The following ITPRID2 variants were observed in gnomAD, a reference collection of about 807,000 sequenced individuals.
ITPRID2 encodes protein ITPRID2.
ITPRID2 carries 60 observed loss-of-function variants against 124.3 expected under a neutral mutation model. The observed-to-expected ratio is 0.48, with a 90% CI of 0.39 to 0.60. ITPRID2 has a LOEUF of 0.60. Among genes scored for constraint, ITPRID2 ranks in the 20% least tolerant of loss-of-function variants. The pLI is 0.00. For synonymous variants in ITPRID2, 521 were observed against 542.9 expected, an observed-to-expected ratio of 0.96 and a Z score of 0.56; for missense variants, 1,553 against 1,512.2, an observed-to-expected ratio of 1.03 and a Z score of -0.45.
Position 181,892,237 on chromosome 2 carries a change from G to C in ITPRID2, c.171G>C (p.Glu57Asp). 6.5e-7 allele frequency: 1 copy of C among 1,550,166 alleles called. No homozygotes were observed. The highest frequency in any genetic ancestry group is 2.4e-5 in the East Asian group (1 of 40,924). Reference protein sequence around the residue: ...TTQDEEEDEEEDLPGAQLPAA... With the variant: ...TTQDEEEDEEDDLPGAQLPAA... ...AGGACGAGGAGGAGGACGAGGAGGA[G>C]GACCTCCCCGGCGCGCAGCTGCCGG... Residue 57 changes from glutamate to aspartate, a missense_variant, in exon 1 of 18, where the codon GAG becomes GAC. Physicochemically the swap from Glu to Asp is conservative, Grantham distance 45. Transcript: ENST00000431877. The surrounding 1 kb of genome is among the most constrained non-coding windows in gnomAD (Gnocchi z 5.2).
chr2:181,927,359 TTAAAAG>T (rs1450882052), intron 16 of ITPRID2, among the ~76,000 whole-genome samples: 1 of 152,208 alleles, frequency 6.6e-6, no homozygotes, highest in African/African-American at 2.4e-5. Flanking sequence ...AAAGGGCTAT[TTAAAAG>T]TGATGCTGTA....
At chr2:181,898,582 T>C (rs1012089366) in intron 4 of ITPRID2, among the ~76,000 whole-genome samples, 8 of 152,124 alleles carry the variant, frequency 5.3e-5, no homozygotes, top group African/African-American at 1.9e-4. Flanking sequence ...TACTTATTTC[T>C]AACCTGTTAA....
Position 181,902,529 on chromosome 2 carries a change from G to C in ITPRID2, c.1413+63G>C. On this transcript the variant is annotated intron_variant, in intron 8 of 17. Transcript: ENST00000431877. The surrounding 1 kb of genome is among the most constrained non-coding windows in gnomAD (Gnocchi z 4.4). ...GACTAGGAAAAAAAGTACCAAAAATGCTTATAAAATGAGAGGTAGCTAATA... is the reference window on the plus strand; with the variant it reads ...GACTAGGAAAAAAAGTACCAAAAATCCTTATAAAATGAGAGGTAGCTAATA... 1.6e-6 allele frequency: 2 copies of C among 1,245,558 alleles called. No individual in the cohort carries two copies. Among genetic ancestry groups the C allele is most frequent in the Non-Finnish European group, 2.2e-6 (2 of 904,770 alleles). 77.2% of individuals were successfully genotyped at this position (1,245,558 alleles called of 1,614,324 possible). A position where few individuals can be genotyped will look rare whatever the true frequency, so the allele number is the denominator to read the frequency against.
chr2:181,911,820 G>A (rs542205505), intron 9 of ITPRID2, among the ~76,000 whole-genome samples: 5 of 152,252 alleles, frequency 3.3e-5, no homozygotes, highest in Admixed American at 2.0e-4. Context: ...TTATTATCTC[G>A]TTTTGCAGAG....
rs1187653584 is a variant in ITPRID2, at chr2:181,918,848, A to G, written c.2959A>G (p.Thr987Ala). The change falls in exon 13 of 18, where the codon ACC (threonine) becomes GCC (alanine). Residue 987 changes from threonine to alanine, a missense_variant. Transcript: ENST00000431877. ...DLELAMLRQQ[T>A]MVYHHMTEEE... ...AGAATTGGCAATGCTGCGTCAGCAA[A>G]CCATGGTTTATCATCATATGACTGA... is the stretch of plus-strand genomic sequence containing the variant. 6.2e-7 allele frequency: 1 copy of G among 1,614,174 alleles called. No individual in the cohort carries two copies. The highest frequency in any genetic ancestry group is 1.7e-5 in the Admixed American group (1 of 60,026).
intron 8 of ITPRID2, among the ~76,000 whole-genome samples, chr2:181,904,027 C>T (rs1375990888): frequency 1.3e-5 from 2 of 152,076 alleles, no homozygotes; most frequent in Non-Finnish European, 2.9e-5. Flanking sequence ...GAGTGAACAA[C>T]ACTCATATTT....
intron 8 of ITPRID2, among the ~76,000 whole-genome samples, chr2:181,904,209 T>C (rs969727370): frequency 6.6e-6 from 1 of 152,132 alleles, no homozygotes; most frequent in Non-Finnish European, 1.5e-5. Flanking sequence ...TTAATGATAG[T>C]CTGGGGGTTT....
Position 181,891,971 on chromosome 2 carries a change from C to T in ITPRID2, c.-96C>T, listed in dbSNP as rs1248005253. The T allele has an allele frequency of 1.1e-5, 15 of 1,309,180 alleles. No individual in the cohort carries two copies. The African/African-American group carries it at 2.2e-4, about 19-fold the overall frequency. 81.1% of individuals were successfully genotyped at this position (1,309,180 alleles called of 1,614,324 possible). ...GCCCGCTTCAGCTCCCCGGGGCCCC[C>T]TGCCCGGCCGGGCGCTGACAGCAAG... On this transcript the variant is annotated 5_prime_UTR_variant, in exon 1 of 18. Coordinates refer to ENST00000431877, the MANE Select transcript of ITPRID2 (RefSeq NM_001130445.3).
At chr2:181,906,427 ATT>A (rs1363153272) in intron 8 of ITPRID2, among the ~76,000 whole-genome samples, 1 of 152,140 alleles carries the variant, frequency 6.6e-6, no homozygotes, top group African/African-American at 2.4e-5. Context: ...AGAAATTTTA[ATT>A]TTAATTTTGC....
Position 181,892,726 on chromosome 2 carries a change from C to A in ITPRID2, c.257+66C>A, listed in dbSNP as rs1432454415. 9 of 1,591,640 alleles carry A rather than the reference C, an allele frequency of 5.7e-6. No individual in the cohort carries two copies. Among genetic ancestry groups the A allele is most frequent in the Non-Finnish European group, 7.8e-6 (9 of 1,161,244 alleles). On this transcript the variant is annotated intron_variant, in intron 2 of 17. Transcript: ENST00000431877. This position sits in a 1 kb window ranked among gnomAD's most constrained non-coding sequence, Gnocchi z 5.2. ...GTGCGGACGGGACGCCGGAGCAGAG[C>A]CACTCGGGCCGCGTCCCTGTGGGTC...
chr2:181,928,627 TC>T (rs1241631010), intron 17 of ITPRID2, among the ~76,000 whole-genome samples: 1 of 151,578 alleles, frequency 6.6e-6, no homozygotes, highest in African/African-American at 2.4e-5. Flanking sequence ...AATCACAACT[TC>T]CTTTTTTTTT....
chr2:181,899,009 C>A lies in ITPRID2; in HGVS notation c.405-5C>A. 1.2e-6 allele frequency: 2 copies of A among 1,605,708 alleles called. No individual in the cohort carries two copies. Among genetic ancestry groups the A allele is most frequent in the Non-Finnish European group, 8.5e-7 (1 of 1,175,684 alleles). On this transcript the variant is annotated splice_polypyrimidine_tract_variant and splice_region_variant and intron_variant, in intron 5 of 17. Transcript: ENST00000431877. The stretch of plus-strand genomic sequence containing the variant: ...AAGTTTTATATAATCTGATTTTGTT[C>A]GTAGCAATAATATCTTGGCCAAAGA...
chr2:181,919,277 C>G lies in ITPRID2; in HGVS notation c.2994-19C>G. The G allele has an allele frequency of 1.2e-6, 2 of 1,613,004 alleles. No individual in the cohort carries two copies. The highest frequency in any genetic ancestry group is 1.1e-5 in the South Asian group (1 of 90,994). On this transcript the variant is annotated intron_variant, in intron 13 of 17. Transcript: ENST00000431877. The surrounding 1 kb of genome is among the most constrained non-coding windows in gnomAD (Gnocchi z 4.2). ...CAAACTGCATTTTTCCAATTTTGTG[C>G]CCTTCACCATACCAATAGGTTTGAA...
chr2:181,927,824 A>G (rs931641938), intron 16 of ITPRID2, among the ~76,000 whole-genome samples: 9 of 152,240 alleles, frequency 5.9e-5, no homozygotes, highest in African/African-American at 2.2e-4. Flanking sequence ...AATACTAAAA[A>G]CATTTAAGAA....
rs574017580 is a variant in ITPRID2 at position 181,899,192 on chromosome 2, G to C, written c.503+80G>C. ...TTATCATTTTTTCAATCTTGGATTT[G>C]ACCTTGATCATATGAAATCAGAAAG... is the stretch of plus-strand genomic sequence containing the variant. On this transcript the variant is annotated intron_variant, in intron 6 of 17. Transcript: ENST00000431877. The C allele has an allele frequency of 4.8e-5, 49 of 1,017,330 alleles. No individual in the cohort carries two copies. The East Asian group carries it at 6.0e-4, about 13-fold the overall frequency. 63.0% of individuals were successfully genotyped at this position (1,017,330 alleles called of 1,614,324 possible).
At chr2:181,912,793 A>G (rs1489861807) in intron 9 of ITPRID2, among the ~76,000 whole-genome samples, 2 of 152,174 alleles carry the variant, frequency 1.3e-5, no homozygotes, top group Non-Finnish European at 2.9e-5. Flanking sequence ...CATACTTGCT[A>G]TGCTTAGTTG....
At chr2:181,895,507 A>G (rs1692126222) in intron 2 of ITPRID2, among the ~76,000 whole-genome samples, 1 of 152,052 alleles carries the variant, frequency 6.6e-6, no homozygotes, top group African/African-American at 2.4e-5. Context: ...TTGTTGGGGC[A>G]AGGGGGAGGC....
At position 181,918,661 on chromosome 2, in the gene ITPRID2, C is replaced by G. The variant is rs776673906; in HGVS notation, c.2851C>G (p.Leu951Val). Residue 951 changes from leucine (L) to valine (V), a missense_variant, in exon 12 of 18, where the codon CTA becomes GTA. By Grantham distance (32) the Leu-to-Val change is conservative. Transcript: ENST00000431877. ...APYSTQKSSV[L>V]PLYENTFQEL... ...ATATAGTACTCAGAAATCATCTGTT[C>G]TACCTCTTTATGAAGTAAGTTCTTT... The G allele has an allele frequency of 2.5e-6, 4 of 1,614,092 alleles. No homozygotes were observed. The highest frequency in any genetic ancestry group is 3.3e-5 in the Admixed American group (2 of 60,028).
Position 181,910,060 on chromosome 2 carries a change from A to G in ITPRID2, c.1486+89A>G. The G allele has an allele frequency of 1.0e-6, 1 of 963,340 alleles. No homozygotes were observed. The highest frequency in any genetic ancestry group is 1.6e-6 in the Non-Finnish European group (1 of 636,242). The allele number at this position is 963,340 out of a possible 1,614,324, so 59.7% of individuals were successfully genotyped here. A position where few individuals can be genotyped will look rare whatever the true frequency, so the allele number is the denominator to read the frequency against. ...GGTTTTATGTATCAGTATTTGTAGTATTTATGAGTGTGAAAAGGCAAAGAA... is the reference window on the plus strand; with the variant it reads ...GGTTTTATGTATCAGTATTTGTAGTGTTTATGAGTGTGAAAAGGCAAAGAA... On this transcript the variant is annotated intron_variant, in intron 9 of 17. Coordinates refer to ENST00000431877, the MANE Select transcript of ITPRID2 (RefSeq NM_001130445.3). This position sits in a 1 kb window ranked among gnomAD's most constrained non-coding sequence, Gnocchi z 4.1.
Sources: gnomAD v4.1 joint callset for allele counts (sites outside exome capture counted in the v4.1 genomes callset) on GRCh38, gnomAD v4.1.1 for gene constraint, Gnocchi (gnomAD v3.1) non-coding constraint, MANE v1.5 for transcripts, NCBI Gene and HGNC (gene_info 2026-07-23, HGNC 2026-07-21) for gene names.